Variants in FAM120A observed in about 807,000 individuals in gnomAD.
FAM120A encodes the protein family with sequence similarity 120 member A.
FAM120A carries 15 observed loss-of-function variants against 109.7 expected under a neutral mutation model. The observed-to-expected ratio is 0.14, with a 90% confidence interval of 0.09 to 0.21. The LOEUF (loss-of-function observed/expected upper bound fraction) is 0.21, where lower values mean the gene tolerates loss of function less well. Among genes scored for constraint, FAM120A ranks in the 10% least tolerant of loss-of-function variants. The pLI is 1.00. For synonymous variants in FAM120A, 493 were observed against 572.8 expected (o/e 0.86, Z 1.99); for missense variants, 899 against 1,439.3 (o/e 0.62, Z 6.07).
intron 1 of FAM120A, among the ~76,000 whole-genome samples, chr9:93,454,048 A>G (rs1402757256): frequency 6.6e-6 from 1 of 152,158 alleles, no homozygotes; most frequent in Non-Finnish European, 1.5e-5. Flanking sequence ...TTAATTCTAC[A>G]GTTTCTTTAT....
chr9:93,479,251 A>T (rs1216143210), intron 3 of FAM120A, among the ~76,000 whole-genome samples: 2 of 151,830 alleles, frequency 1.3e-5, no homozygotes, highest in Non-Finnish European at 2.9e-5. Flanking sequence ...GGCGCCCGCC[A>T]CTACGCCCGG....
intron 15 of FAM120A, 93 bp from the exon 16 acceptor site, chr9:93,561,016 C>A: frequency 7.0e-7 from 1 of 1,433,854 alleles, no homozygotes; most frequent in Non-Finnish European, 9.6e-7. Context: ...AAATATAAAC[C>A]AAAACTGAAA....
chr9:93,502,479 G>A (rs1859844421), intron 5 of FAM120A, among the ~76,000 whole-genome samples: 1 of 151,846 alleles, frequency 6.6e-6, no homozygotes, highest in African/African-American at 2.4e-5. Flanking sequence ...TTCTTTGTAA[G>A]CCTGTAAATC....
intron 1 of FAM120A, among the ~76,000 whole-genome samples, chr9:93,470,421 G>A (rs1054485907): frequency 2.0e-5 from 3 of 152,128 alleles, no homozygotes; most frequent in African/African-American, 7.2e-5. Flanking sequence ...GTGTGTTGTG[G>A]AAATCCGAGG....
intron 5 of FAM120A, among the ~76,000 whole-genome samples, chr9:93,510,258 C>T (rs1241862786): frequency 6.6e-6 from 1 of 152,200 alleles, no homozygotes; most frequent in African/African-American, 2.4e-5. Context: ...TAGGAAGTGA[C>T]ACAGGCTGCC....
chr9:93,528,181 G>A (rs1188553697), intron 8 of FAM120A, among the ~76,000 whole-genome samples: 1 of 152,140 alleles, frequency 6.6e-6, no homozygotes, highest in Non-Finnish European at 1.5e-5. Flanking sequence ...ACCTTCCAAA[G>A]CATTTTGAGT....
At position 93,561,161 on chromosome 9, in the gene FAM120A, G is replaced by C; in HGVS notation, c.2859G>C (p.Val953=). Residue 953 remains valine, a synonymous_variant, in exon 16 of 18, where the codon GTG becomes GTC. Coordinates refer to ENST00000277165, the MANE Select transcript of FAM120A (RefSeq NM_014612.5). The part of the protein sequence containing the change: ...QGGKLEIAGT[V]VGHWAGSRRG... ...GCAAACTAGAAATAGCTGGCACTGT[G>C]GTTGGCCATTGGGCTGGGAGCAGGC... The C allele has an allele frequency of 6.2e-7, 1 of 1,613,982 alleles. No individual in the cohort carries two copies. Among genetic ancestry groups the C allele is most frequent in the Non-Finnish European group, 8.5e-7 (1 of 1,180,036 alleles).
chr9:93,458,374 A>G (rs1424412957), intron 1 of FAM120A, among the ~76,000 whole-genome samples: 1 of 152,072 alleles, frequency 6.6e-6, no homozygotes, highest in Non-Finnish European at 1.5e-5. Context: ...AGCTGTAACT[A>G]GCTTGAACTT....
In FAM120A at chr9:93,529,613, T is replaced by C. The variant is rs1423086384; in HGVS notation, c.1734+33T>C. 1.9e-6 allele frequency: 3 copies of C among 1,589,116 alleles called. No individual in the cohort carries two copies. In the African/African-American group the frequency reaches 4.0e-5, roughly 21 times the overall value. ...CAAAGGGGCCCTGGAGTGGCTTCTG[T>C]TATTTGATGAGTGGCCATTCCTATG... On this transcript the variant is annotated intron_variant, in intron 9 of 17. Transcript: ENST00000277165.
At chr9:93,514,307 G>A (rs757177457) in intron 5 of FAM120A, among the ~76,000 whole-genome samples, 23 of 152,172 alleles carry the variant, frequency 1.5e-4, no homozygotes, top group Non-Finnish European at 1.5e-4. Context: ...TGGGGATTAT[G>A]GGGATTATAA....
chr9:93,479,533 T>G (rs982869078), intron 3 of FAM120A, among the ~76,000 whole-genome samples: 8 of 152,184 alleles, frequency 5.3e-5, no homozygotes, highest in Non-Finnish European at 2.9e-5. Flanking sequence ...TCACGTGTCC[T>G]TAACAGCTAT....
chr9:93,545,779 CCTTTTTT>C (rs1333272046), intron 11 of FAM120A, among the ~76,000 whole-genome samples: 3 of 86,994 alleles, frequency 3.4e-5, no homozygotes, highest in African/African-American at 1.3e-4. Context: ...GGGAAAGACT[CCTTTTTT>C]TTTTTTTTTT....
At position 93,564,082 on chromosome 9, in the gene FAM120A, G is replaced by A. The variant is rs982503312; in HGVS notation, c.3046-147G>A. 7.8e-6 allele frequency: 6 copies of A among 764,854 alleles called. No individual in the cohort carries two copies. The African/African-American group carries it at 1.0e-4, about 13-fold the overall frequency. 47.4% of individuals were successfully genotyped at this position (764,854 alleles called of 1,614,324 possible). ...CAGGTAGAGCATCTACCGCCCAAAA[G>A]TCAAAGCAAAGACAGGGTTAGAAGG... On this transcript the variant is annotated intron_variant, in intron 17 of 17. Transcript: ENST00000277165.
chr9:93,476,937 G>A (rs1308339695), intron 3 of FAM120A, among the ~76,000 whole-genome samples: 1 of 152,152 alleles, frequency 6.6e-6, no homozygotes. Context: ...TTTGATGTGA[G>A]CATAGGAGTA....
intron 5 of FAM120A, among the ~76,000 whole-genome samples, chr9:93,505,092 G>T (rs1252774730): frequency 8.9e-6 from 1 of 112,890 alleles, no homozygotes; most frequent in South Asian, 3.2e-4. Context: ...AAGGAGTCTC[G>T]CTCTGTCACC....
intron 3 of FAM120A, among the ~76,000 whole-genome samples, chr9:93,491,530 G>T (rs1859321198): frequency 6.6e-6 from 1 of 152,236 alleles, no homozygotes; most frequent in South Asian, 2.1e-4. Context: ...CATGGAGACA[G>T]TGATCAATTT....
intron 10 of FAM120A, among the ~76,000 whole-genome samples, chr9:93,541,764 TG>T (rs1861709516): frequency 6.6e-6 from 1 of 152,220 alleles, no homozygotes; most frequent in Admixed American, 6.5e-5. Flanking sequence ...GGACACTATC[TG>T]GAGTTGGCTC....
chr9:93,553,626 T>C (rs141295797), intron 12 of FAM120A, among the ~76,000 whole-genome samples: 6 of 152,294 alleles, frequency 3.9e-5, no homozygotes, highest in African/African-American at 1.4e-4. Context: ...TGGATGATAT[T>C]GAATATTTTA....
chr9:93,476,402 A>G, intron 3 of FAM120A, 64 bp downstream of exon 3: 1 of 1,119,024 alleles, frequency 8.9e-7, no homozygotes, highest in Non-Finnish European at 1.4e-6. Context: ...CTATTACTTT[A>G]ATAACATGTT....
Sources: allele counts gnomAD v4.1 joint callset (sites outside exome capture counted in the v4.1 genomes callset), GRCh38; gene constraint gnomAD v4.1.1; transcripts MANE v1.5; gene names NCBI Gene and HGNC (gene_info 2026-07-23, HGNC 2026-07-21).